KIAA1671: variants seen among roughly 807,000 people sequenced by gnomAD.
The protein encoded by KIAA1671 is KIAA1671, also known as uncharacterized protein KIAA1671.
A neutral mutation model predicts 131.2 loss-of-function variants in KIAA1671; 52 were observed. The observed-to-expected ratio is 0.40, with a 90% CI of 0.32 to 0.50. The LOEUF (loss-of-function observed/expected upper bound fraction) is 0.50, where lower values mean the gene tolerates loss of function less well. KIAA1671 is among the 20% of genes least tolerant of loss of function. KIAA1671 has a pLI of 0.73. For synonymous variants in KIAA1671, 1,003 were observed against 961.6 expected, an observed-to-expected ratio of 1.04 and a Z score of -0.80; for missense variants, 2,360 against 2,364.2, an observed-to-expected ratio of 1.00 and a Z score of 0.04.
chr22:25,137,645 G>A (rs954980854), intron 6 of KIAA1671, among the ~76,000 whole-genome samples: 4 of 152,220 alleles, frequency 2.6e-5, no homozygotes, highest in African/African-American at 7.2e-5. Context: ...CTGAGGAATC[G>A]AATGGGGCAC....
chr22:25,139,911 A>C (rs1397570729), intron 6 of KIAA1671, among the ~76,000 whole-genome samples: 3 of 152,258 alleles, frequency 2.0e-5, no homozygotes, highest in Admixed American at 6.5e-5. Context: ...TTTAGAAAGC[A>C]CATGGAGGTC....
intron 6 of KIAA1671, among the ~76,000 whole-genome samples, chr22:25,066,512 C>T (rs1928483222): frequency 1.3e-5 from 2 of 152,176 alleles, no homozygotes; most frequent in South Asian, 4.1e-4. Flanking sequence ...GCCTAATCAC[C>T]TCTCAAGTGT....
intron 6 of KIAA1671, among the ~76,000 whole-genome samples, chr22:25,163,642 A>G (rs5996844): frequency 0.27 from 40,245 of 151,210 alleles, 5,451 homozygotes; most frequent in South Asian, 0.39. Context: ...GGGTTTCACA[A>G]TGTTGGCTGG....
chr22:25,120,163 G>GTGCCAAC (rs1253096272), intron 6 of KIAA1671, among the ~76,000 whole-genome samples: 1 of 152,184 alleles, frequency 6.6e-6, no homozygotes, highest in Non-Finnish European at 1.5e-5. Flanking sequence ...CCCACTGCCT[G>GTGCCAAC]TGCCAACTGC....
At chr22:25,153,079 T>C (rs1933103110) in intron 6 of KIAA1671, among the ~76,000 whole-genome samples, 1 of 152,240 alleles carries the variant, frequency 6.6e-6, no homozygotes, top group Non-Finnish European at 1.5e-5. Context: ...TTTTCCCTAG[T>C]TGCCTTCCCA....
At chr22:25,085,516 C>A (rs868824457) in intron 6 of KIAA1671, among the ~76,000 whole-genome samples, 2 of 151,076 alleles carry the variant, frequency 1.3e-5, no homozygotes, top group East Asian at 1.9e-4. Flanking sequence ...ACCTCCCCCC[C>A]CATAACCCCC....
intron 6 of KIAA1671, among the ~76,000 whole-genome samples, chr22:25,093,429 C>T (rs182710676): frequency 1.1e-4 from 17 of 152,262 alleles, no homozygotes; most frequent in African/African-American, 3.8e-4. Context: ...ACAATAGGTG[C>T]CTAAGGGACA....
At chr22:24,969,279 T>C (rs1414532824) in intron 1 of KIAA1671, among the ~76,000 whole-genome samples, 1 of 152,194 alleles carries the variant, frequency 6.6e-6, no homozygotes, top group Admixed American at 6.5e-5. Context: ...CTCCCTCAGA[T>C]ACCGAAATCT....
chr22:25,034,455 G>A (rs1193643839), intron 4 of KIAA1671, among the ~76,000 whole-genome samples: 4 of 151,726 alleles, frequency 2.6e-5, no homozygotes, highest in East Asian at 3.9e-4. Context: ...AATGGAATCA[G>A]TCCTCTTTTT....
intron 1 of KIAA1671, among the ~76,000 whole-genome samples, chr22:25,006,797 C>T (rs1468209811): frequency 1.3e-5 from 2 of 152,276 alleles, no homozygotes; most frequent in Non-Finnish European, 1.5e-5. Context: ...TCTGTCCTCA[C>T]GTTCTCTCTC....
intron 6 of KIAA1671, chr22:25,053,845 T>A (rs1483534924): frequency 6.6e-6 from 1 of 152,104 alleles, no homozygotes; most frequent in Admixed American, 6.6e-5. Flanking sequence ...TGGTAAGTGC[T>A]ATGCTGGGCA....
intron 6 of KIAA1671, among the ~76,000 whole-genome samples, chr22:25,103,740 T>G (rs1930835977): frequency 6.6e-6 from 1 of 151,932 alleles, no homozygotes; most frequent in African/African-American, 2.4e-5. Flanking sequence ...GATCCGCCCA[T>G]CGCGGTCTCC....
chr22:25,156,836 G>T (rs1933262288), intron 6 of KIAA1671, among the ~76,000 whole-genome samples: 4 of 152,120 alleles, frequency 2.6e-5, no homozygotes, highest in Admixed American at 1.3e-4. Flanking sequence ...CAGTGTTCTG[G>T]CAGGGAGAGA....
At chr22:25,079,746 G>A (rs1032934833) in intron 6 of KIAA1671, among the ~76,000 whole-genome samples, 3 of 152,170 alleles carry the variant, frequency 2.0e-5, no homozygotes, top group African/African-American at 7.2e-5. Flanking sequence ...TGACCATGCC[G>A]GGCCTTGCAG....
chr22:25,075,134 G>A (rs1929035964), intron 6 of KIAA1671, among the ~76,000 whole-genome samples: 1 of 152,142 alleles, frequency 6.6e-6, no homozygotes, highest in Admixed American at 6.5e-5. Flanking sequence ...AATTCCAGTG[G>A]GGGTGATTTT....
At chr22:25,089,207 T>G (rs192031394) in intron 6 of KIAA1671, among the ~76,000 whole-genome samples, 44 of 151,422 alleles carry the variant, frequency 2.9e-4, no homozygotes, top group Admixed American at 2.0e-3. Flanking sequence ...TATGTATCTG[T>G]GGGGGTCCTG....
At chr22:25,179,803 G>A (rs1042591110) in intron 9 of KIAA1671, among the ~76,000 whole-genome samples, 1 of 152,080 alleles carries the variant, frequency 6.6e-6, no homozygotes. Context: ...AGGTTTGCTC[G>A]CTGGTCTTTT....
intron 6 of KIAA1671, among the ~76,000 whole-genome samples, chr22:25,135,221 T>G (rs1182433853): frequency 6.6e-6 from 1 of 152,238 alleles, no homozygotes. Context: ...AGTCTCGCTC[T>G]GTCACCCAGG....
intron 6 of KIAA1671, among the ~76,000 whole-genome samples, chr22:25,115,238 G>C (rs1931593606): frequency 6.6e-6 from 1 of 152,206 alleles, no homozygotes; most frequent in Admixed American, 6.5e-5. Context: ...GTGGACTCCA[G>C]TTAGAGGCCA....
Sources: allele counts gnomAD v4.1 joint callset (sites outside exome capture counted in the v4.1 genomes callset), GRCh38; gene constraint gnomAD v4.1.1; transcripts MANE v1.5; gene names NCBI Gene and HGNC (gene_info 2026-07-23, HGNC 2026-07-21).